Variants in LHFPL3 observed in about 807,000 individuals in gnomAD.
LHFPL3 encodes LHFPL tetraspan subfamily member 3 protein.
Under a neutral mutation model 19.3 loss-of-function variants are expected in LHFPL3, and 5 were observed. The ratio of observed to expected loss-of-function variants is 0.26; its 90% confidence interval spans 0.14 to 0.54. The LOEUF (loss-of-function observed/expected upper bound fraction) is 0.54, where lower values mean the gene tolerates loss of function less well. Ranked by LOEUF, LHFPL3 falls within the 20% of genes least tolerant of loss-of-function variation. The probability of loss-of-function intolerance (pLI) is 0.94; values close to 1 mark genes in which losing one functional copy is unlikely to be tolerated. For missense variants in LHFPL3, 249 were observed against 307.4 expected (o/e 0.81, Z 1.42); for synonymous variants, 133 against 126.2 (o/e 1.05, Z -0.36).
intron 1 of LHFPL3, among the ~76,000 whole-genome samples, chr7:104,437,484 C>T (rs563834700): frequency 1.3e-5 from 2 of 152,230 alleles, no homozygotes; most frequent in African/African-American, 2.4e-5. Context: ...AGACCCCTTC[C>T]CCACAGGTTA....
intron 1 of LHFPL3, among the ~76,000 whole-genome samples, chr7:104,711,458 C>T (rs1254885828): frequency 1.3e-5 from 2 of 152,158 alleles, no homozygotes; most frequent in South Asian, 2.1e-4. Context: ...CAAAGTTAGG[C>T]TTGATTCAAG....
rs1366586050 is a variant in LHFPL3 at position 104,526,154 on chromosome 7, T to A, written c.445+196930T>A. On this transcript the variant is annotated intron_variant, in intron 1 of 2. Coordinates refer to ENST00000424859, the MANE Select transcript of LHFPL3 (RefSeq NM_199000.3). The stretch of plus-strand genomic sequence containing the variant: ...TGAGTTTCTCACCCCTTATGGTGCA[T>A]GAAAATTCCCTCAAGTGTTTTTGAA... 2.6e-5 allele frequency among the ~76,000 whole-genome samples: 4 copies of A among 152,202 alleles called. No homozygotes were observed. The East Asian group carries it at 7.7e-4, about 29-fold the overall frequency.
chr7:104,409,940 T>C (rs1189666996), intron 1 of LHFPL3, among the ~76,000 whole-genome samples: 1 of 152,036 alleles, frequency 6.6e-6, no homozygotes, highest in Non-Finnish European at 1.5e-5. Context: ...ATGCACGAGA[T>C]TGTTACCCAG....
At chr7:104,527,018 A>T (rs1162242705) in intron 1 of LHFPL3, among the ~76,000 whole-genome samples, 1 of 152,220 alleles carries the variant, frequency 6.6e-6, no homozygotes, top group African/African-American at 2.4e-5. Context: ...ATTTAAACAA[A>T]GGGTCAGGGA....
At chr7:104,731,851 G>A (rs1047457859) in intron 1 of LHFPL3, among the ~76,000 whole-genome samples, 8 of 151,982 alleles carry the variant, frequency 5.3e-5, no homozygotes, top group African/African-American at 1.9e-4. Flanking sequence ...TATGATATTG[G>A]CTGTGGGTTT....
At chr7:104,840,430 T>TAGCTG (rs1791178851) in intron 2 of LHFPL3, among the ~76,000 whole-genome samples, 1 of 148,174 alleles carries the variant, frequency 6.7e-6, no homozygotes, top group African/African-American at 2.5e-5. Context: ...GCCTCCGGAG[T>TAGCTG]AGCTGGGACT....
At chr7:104,879,397 C>G (rs1234122101) in intron 2 of LHFPL3, among the ~76,000 whole-genome samples, 1 of 151,662 alleles carries the variant, frequency 6.6e-6, no homozygotes, top group East Asian at 1.9e-4. Context: ...GTCTGTGCAA[C>G]AGAGTGAGAC....
chr7:104,721,118 G>T (rs538195438), intron 1 of LHFPL3, among the ~76,000 whole-genome samples: 1 of 152,254 alleles, frequency 6.6e-6, no homozygotes, highest in African/African-American at 2.4e-5. Context: ...ATTCACAATA[G>T]GAAAGACTTG....
chr7:104,810,223 G>A (rs555194257), intron 2 of LHFPL3, among the ~76,000 whole-genome samples: 8 of 152,320 alleles, frequency 5.3e-5, no homozygotes, highest in Non-Finnish European at 1.2e-4. Context: ...GAGGCTAGCC[G>A]TGATGGGCTC....
In LHFPL3 at chr7:104,411,647, C is replaced by T. The variant is rs560815726; in HGVS notation, c.445+82423C>T. On this transcript the variant is annotated intron_variant, in intron 1 of 2. Coordinates refer to ENST00000424859, the MANE Select transcript of LHFPL3 (RefSeq NM_199000.3). ...AAACAAAATTTGCTCTTTTCAACCT[C>T]GTTAGTGTTTGTAGGTTTATTCTAA... 1.3e-4 allele frequency among the ~76,000 whole-genome samples: 20 copies of T among 152,174 alleles called. 1 individual carries two copies. Among genetic ancestry groups the T allele is most frequent in the South Asian group, 4.1e-4 (2 of 4,820 alleles).
chr7:104,774,138 G>A (rs1290409459), intron 2 of LHFPL3, among the ~76,000 whole-genome samples: 1 of 152,196 alleles, frequency 6.6e-6, no homozygotes, highest in African/African-American at 2.4e-5. Context: ...TTGGAATCTG[G>A]CAAAGAAATA....
At chr7:104,898,897 G>A (rs184695377) in intron 2 of LHFPL3, among the ~76,000 whole-genome samples, 21 of 152,116 alleles carry the variant, frequency 1.4e-4, no homozygotes, top group Admixed American at 5.2e-4. Flanking sequence ...CAGGCGGATC[G>A]CTTGAGCCCA....
intron 1 of LHFPL3, among the ~76,000 whole-genome samples, chr7:104,390,426 G>A (rs1360118726): frequency 6.6e-6 from 1 of 151,846 alleles, no homozygotes; most frequent in Non-Finnish European, 1.5e-5. Context: ...CTGTGAGTGA[G>A]AACATGCGGT....
chr7:104,454,451 T>C (rs1049077235), intron 1 of LHFPL3, among the ~76,000 whole-genome samples: 2 of 152,152 alleles, frequency 1.3e-5, no homozygotes, highest in African/African-American at 4.8e-5. Context: ...TAGTCCCTAC[T>C]TGAGTTAGTA....
intron 1 of LHFPL3, among the ~76,000 whole-genome samples, chr7:104,396,387 G>A (rs183945768): frequency 2.0e-5 from 3 of 152,094 alleles, no homozygotes; most frequent in African/African-American, 7.2e-5. Flanking sequence ...CAGAGATGAA[G>A]GTCTCCAGAG....
At chr7:104,790,813 C>T (rs1790010208) in intron 2 of LHFPL3, among the ~76,000 whole-genome samples, 1 of 152,182 alleles carries the variant, frequency 6.6e-6, no homozygotes, top group Non-Finnish European at 1.5e-5. Context: ...ATTTTCCTTG[C>T]ATACAAATGA....
chr7:104,828,951 CT>C (rs1488560529), intron 2 of LHFPL3, among the ~76,000 whole-genome samples: 1 of 151,818 alleles, frequency 6.6e-6, no homozygotes, highest in Admixed American at 6.6e-5. Context: ...GGGAGAATCA[CT>C]TGGGCCCAGG....
chr7:104,759,610 G>C (rs1221444048), intron 2 of LHFPL3: 1 of 152,154 alleles, frequency 6.6e-6, no homozygotes, highest in East Asian at 1.9e-4. Flanking sequence ...ACAGCAGACA[G>C]TTCACTCAGT....
chr7:104,423,474 CA>C (rs1791774186), intron 1 of LHFPL3, among the ~76,000 whole-genome samples: 1 of 152,116 alleles, frequency 6.6e-6, no homozygotes, highest in South Asian at 2.1e-4. Flanking sequence ...ATTAGCTGGG[CA>C]TGGTGGTGCA....
Sources: gnomAD v4.1 joint callset for allele counts (sites outside exome capture counted in the v4.1 genomes callset) on GRCh38, gnomAD v4.1.1 for gene constraint, MANE v1.5 for transcripts, NCBI Gene and HGNC (gene_info 2026-07-23, HGNC 2026-07-21) for gene names.